Variants in ATP8A2 observed in about 807,000 individuals in gnomAD.
ATP8A2 encodes the protein phospholipid-transporting ATPase IB.
A neutral mutation model predicts 165.6 loss-of-function variants in ATP8A2; 100 were observed. That is an observed-to-expected ratio of 0.60 (90% CI 0.51 to 0.71). The LOEUF is 0.71. Among genes scored for constraint, ATP8A2 ranks in the 30% least tolerant of loss-of-function variants. ATP8A2 has a pLI of 0.00. For synonymous variants in ATP8A2, 543 were observed against 548.8 expected (o/e 0.99, Z 0.15); for missense variants, 1,227 against 1,479.5 (o/e 0.83, Z 2.80).
intron 33 of ATP8A2, among the ~76,000 whole-genome samples, chr13:25,952,727 G>T (rs1234621357): frequency 6.6e-6 from 1 of 152,128 alleles, no homozygotes; most frequent in Non-Finnish European, 1.5e-5. Flanking sequence ...ATCCTGCACT[G>T]ATATTTGCCT....
intron 27 of ATP8A2, among the ~76,000 whole-genome samples, chr13:25,799,070 A>T (rs950730474): frequency 6.6e-6 from 1 of 150,534 alleles, no homozygotes; most frequent in Non-Finnish European, 1.5e-5. Flanking sequence ...GTGGCACGGG[A>T]GCCCTCAAAG....
At chr13:25,966,551 C>T (rs1955782140) in intron 34 of ATP8A2, among the ~76,000 whole-genome samples, 1 of 152,142 alleles carries the variant, frequency 6.6e-6, no homozygotes, top group South Asian at 2.1e-4. Context: ...TGAATCATCC[C>T]CAGCATTGCA....
intron 26 of ATP8A2, among the ~76,000 whole-genome samples, chr13:25,771,572 C>CTGGATTGTTA (rs2044619808): frequency 1.3e-5 from 2 of 152,178 alleles, no homozygotes; most frequent in Non-Finnish European, 2.9e-5. Flanking sequence ...AGAGCAATTG[C>CTGGATTGTTA]TCTCTTCAAA....
intron 2 of ATP8A2, among the ~76,000 whole-genome samples, chr13:25,519,793 A>G (rs1367108253): frequency 1.3e-5 from 2 of 152,026 alleles, no homozygotes; most frequent in Non-Finnish European, 2.9e-5. Context: ...GGGGTGGCTT[A>G]TTTACTTGGG....
At chr13:26,008,274 C>G (rs891038643) in intron 35 of ATP8A2, among the ~76,000 whole-genome samples, 1 of 151,936 alleles carries the variant, frequency 6.6e-6, no homozygotes, top group Non-Finnish European at 1.5e-5. Context: ...AAAGAAGATA[C>G]AGATATCAAA....
At chr13:25,591,583 C>CTTTTT (rs749798935) in intron 24 of ATP8A2, among the ~76,000 whole-genome samples, 4 of 131,842 alleles carry the variant, frequency 3.0e-5, no homozygotes, top group African/African-American at 1.1e-4. Context: ...TAGCTTATAA[C>CTTTTT]TTTTTTTTTT....
At chr13:25,956,178 A>G (rs1263666201) in intron 33 of ATP8A2, among the ~76,000 whole-genome samples, 1 of 152,230 alleles carries the variant, frequency 6.6e-6, no homozygotes, top group Middle Eastern at 3.2e-3. Context: ...GAATGGGCAA[A>G]AGCTGGAAGC....
intron 35 of ATP8A2, 150 bp downstream of exon 35, chr13:25,968,829 C>A: frequency 1.6e-6 from 1 of 644,598 alleles, no homozygotes; most frequent in Non-Finnish European, 2.7e-6. Flanking sequence ...AGATTTAAAT[C>A]ACACTCTCAG....
intron 1 of ATP8A2, among the ~76,000 whole-genome samples, chr13:25,435,414 C>A (rs1035589371): frequency 3.3e-5 from 5 of 152,246 alleles, no homozygotes; most frequent in Admixed American, 2.0e-4. Context: ...CCACCGCGCC[C>A]GGCTGGAAAT....
Position 25,643,673 on chromosome 13 carries a change from G to A in ATP8A2, c.2211+53974G>A, listed in dbSNP as rs745489713. Among the ~76,000 whole-genome samples the A allele has an allele frequency of 1.1e-4, 16 of 151,168 alleles. 1 individual carries two copies. The highest frequency in any genetic ancestry group is 4.6e-4 in the Admixed American group (7 of 15,164). On this transcript the variant is annotated intron_variant, in intron 24 of 36. Coordinates refer to ENST00000381655, the MANE Select transcript of ATP8A2 (RefSeq NM_016529.6). ...TTAATTACTATCACTTTATAGTATC[G>A]TTTGAAGTTAGGTAGTGTGATACCT...
At chr13:25,967,914 C>T (rs73155954) in intron 34 of ATP8A2, among the ~76,000 whole-genome samples, 4,824 of 152,230 alleles carry the variant, frequency 0.032, 126 homozygotes, top group Non-Finnish European at 0.051. Context: ...GTCCAGGCTG[C>T]GGGTTATTTC....
At chr13:25,394,612 C>T (rs74743954) in intron 1 of ATP8A2, among the ~76,000 whole-genome samples, 3,192 of 152,222 alleles carry the variant, frequency 0.021, 119 homozygotes, top group African/African-American at 0.072. Context: ...CTTGCCAGGC[C>T]TGTGAAGGGG....
At chr13:25,642,208 A>G (rs2041544259) in intron 24 of ATP8A2, among the ~76,000 whole-genome samples, 1 of 152,234 alleles carries the variant, frequency 6.6e-6, no homozygotes, top group African/African-American at 2.4e-5. Flanking sequence ...CTTCATGTCT[A>G]CAACACCAAA....
At chr13:25,820,534 C>T (rs1951152078) in intron 27 of ATP8A2, among the ~76,000 whole-genome samples, 1 of 152,264 alleles carries the variant, frequency 6.6e-6, no homozygotes, top group African/African-American at 2.4e-5. Context: ...AGTAACTGCA[C>T]GTCAAATGGG....
chr13:25,561,012 G>A (rs1053473052), intron 15 of ATP8A2, among the ~76,000 whole-genome samples: 4 of 151,546 alleles, frequency 2.6e-5, no homozygotes, highest in Non-Finnish European at 4.4e-5. Flanking sequence ...TCAGCCTCCC[G>A]AGTAGCTGGG....
In ATP8A2 at chr13:25,555,521, T is replaced by C. The variant is rs112041706; in HGVS notation, c.1263+453T>C. 4.7e-3 allele frequency among the ~76,000 whole-genome samples: 723 copies of C among 152,308 alleles called. 14 individuals are homozygous for C. The highest frequency in any genetic ancestry group is 0.015 in the African/African-American group (641 of 41,580). On this transcript the variant is annotated intron_variant, in intron 13 of 36. Transcript: ENST00000381655. ...ACAGTATCTTTTCCACCTTTACCCC[T>C]GAACTCCTCTTGCCTTTACTAAGTT...
chr13:25,695,811 A>G (rs1474869881), intron 24 of ATP8A2, among the ~76,000 whole-genome samples: 3 of 142,658 alleles, frequency 2.1e-5, no homozygotes, highest in African/African-American at 7.6e-5. Flanking sequence ...CAAACTTTTC[A>G]AAGTTATGCA....
intron 2 of ATP8A2, among the ~76,000 whole-genome samples, chr13:25,490,147 T>TCAGG (rs2036478598): frequency 1.3e-5 from 2 of 152,182 alleles, no homozygotes; most frequent in African/African-American, 4.8e-5. Flanking sequence ...TGTTGAATGA[T>TCAGG]CCATTTCCAT....
At chr13:25,837,308 A>C in intron 29 of ATP8A2, 23 bp downstream of exon 29, 1 of 1,612,854 alleles carries the variant, frequency 6.2e-7, no homozygotes, top group East Asian at 2.2e-5. Flanking sequence ...TGATCTCAGA[A>C]CTGTCACCTC....
Sources: gnomAD v4.1 joint callset for allele counts (sites outside exome capture counted in the v4.1 genomes callset) on GRCh38, gnomAD v4.1.1 for gene constraint, MANE v1.5 for transcripts, NCBI Gene and HGNC (gene_info 2026-07-23, HGNC 2026-07-21) for gene names.